Variants in LHFPL1 observed in about 807,000 individuals in gnomAD.
LHFPL1 encodes the protein LHFPL tetraspan subfamily member 1.
A neutral mutation model predicts 12.1 loss-of-function variants in LHFPL1; 4 were observed. That is an observed-to-expected ratio of 0.33 (90% confidence interval 0.16 to 0.76). LHFPL1 has a LOEUF of 0.76. Ranked by LOEUF, LHFPL1 falls within the 30% of genes least tolerant of loss-of-function variation. LHFPL1 has a pLI of 0.61. For synonymous variants in LHFPL1, 52 were observed against 61.9 expected (o/e 0.84, Z 0.75); for missense variants, 141 against 174.1 (o/e 0.81, Z 1.07).
At chrX:112,637,171 C>T (rs1381287712) in intron 3 of LHFPL1, among the ~76,000 whole-genome samples, 1 of 112,245 alleles carries the variant, frequency 8.9e-6, no homozygotes, top group Non-Finnish European at 1.9e-5. Flanking sequence ...GTTATTAAAT[C>T]ATCACTCAGC....
At chrX:112,649,592 T>C (rs945874718) in intron 3 of LHFPL1, among the ~76,000 whole-genome samples, 4 of 112,042 alleles carry the variant, frequency 3.6e-5, no homozygotes, top group Admixed American at 9.5e-5. Flanking sequence ...TATTCCCCTA[T>C]GAAAAATACA....
intron 3 of LHFPL1, among the ~76,000 whole-genome samples, chrX:112,653,433 A>G (rs997535249): frequency 1.8e-5 from 2 of 112,176 alleles, no homozygotes; most frequent in African/African-American, 6.5e-5. Context: ...AAAATAATGT[A>G]TGGGATATAG....
chrX:112,632,899 G>T (rs1343242137), intron 3 of LHFPL1, among the ~76,000 whole-genome samples: 1 of 110,840 alleles, frequency 9.0e-6, no homozygotes, highest in Non-Finnish European at 1.9e-5. Context: ...TGTTTCTCCT[G>T]CCAGAAACAT....
intron 3 of LHFPL1, among the ~76,000 whole-genome samples, chrX:112,642,552 C>A (rs951513660): frequency 1.9e-5 from 2 of 106,631 alleles, no homozygotes; most frequent in Non-Finnish European, 3.9e-5. Flanking sequence ...TCGTCTCATG[C>A]ATAGACAACT....
intron 1 of LHFPL1, among the ~76,000 whole-genome samples, chrX:112,672,601 T>C (rs965790652): frequency 1.8e-5 from 2 of 111,365 alleles, no homozygotes; most frequent in Non-Finnish European, 3.8e-5. Flanking sequence ...TGTGGTGGTG[T>C]AGAGGACTGG....
rs143501125 is a variant in LHFPL1 at position 112,639,828 on chromosome X, G to A, written c.482-8227C>T. 6.0e-3 allele frequency among the ~76,000 whole-genome samples: 671 copies of A among 112,084 alleles called. 7 individuals are homozygous for A. The highest frequency in any genetic ancestry group is 0.021 in the African/African-American group (634 of 30,852). On this transcript the variant is annotated intron_variant, in intron 3 of 3. Transcript: ENST00000371968. Reference sequence around the variant, plus strand: ...AGCTGCCTCTGAAAAACACTTCTGGGTCACCCCGTGTTGCCTTTTATACAG... The same window carrying A: ...AGCTGCCTCTGAAAAACACTTCTGGATCACCCCGTGTTGCCTTTTATACAG...
intron 3 of LHFPL1, among the ~76,000 whole-genome samples, chrX:112,659,161 G>C (rs896654041): frequency 9.0e-5 from 10 of 111,645 alleles, no homozygotes; most frequent in Admixed American, 8.6e-4. Flanking sequence ...TTCTTTTTGG[G>C]CTGATGAAAA....
Position 112,671,379 on chromosome X carries a change from G to C in LHFPL1, c.12C>G (p.Ser4Arg), listed in dbSNP as rs756691521. 8.3e-7 allele frequency: 1 copy of C among 1,211,803 alleles called. No individual in the cohort carries two copies. Among genetic ancestry groups the C allele is most frequent in the South Asian group, 1.8e-5 (1 of 56,992 alleles). Residue 4 changes from serine (S) to arginine (R), a missense_variant, in exon 2 of 4, where the codon AGC (serine) becomes AGG (arginine). Transcript: ENST00000371968. MRS[S>R]LTMVGTLWAF... ...CCCAGAGGGTTCCCACCATGGTCAG[G>C]CTGCTCCTCATGGTCACAGGTTTCT...
chrX:112,633,341 A>C (rs1930245380), intron 3 of LHFPL1, among the ~76,000 whole-genome samples: 1 of 112,235 alleles, frequency 8.9e-6, no homozygotes, highest in Admixed American at 9.4e-5. Flanking sequence ...CGAATATAGT[A>C]TTTTATTTCT....
intron 1 of LHFPL1, among the ~76,000 whole-genome samples, chrX:112,675,008 T>G (rs1173057274): frequency 3.6e-5 from 4 of 111,960 alleles, no homozygotes; most frequent in Non-Finnish European, 7.5e-5. Flanking sequence ...TTCTAAGTGA[T>G]GTAACTCAGG....
chrX:112,658,377 A>T (rs1217565590), intron 3 of LHFPL1, among the ~76,000 whole-genome samples: 1 of 107,134 alleles, frequency 9.3e-6, no homozygotes, highest in Non-Finnish European at 1.9e-5. Flanking sequence ...GTGAGCAGAG[A>T]TCGCACCACT....
At position 112,656,496 on chromosome X, in the gene LHFPL1, G is replaced by A. The variant is rs193006295; in HGVS notation, c.481+4131C>T. On this transcript the variant is annotated intron_variant, in intron 3 of 3. Transcript: ENST00000371968. ...ATTCTCACAAGTTCTATTCAACATT[G>A]TCCTGGAGGTTCTTGCAAGGGCAAT... 2.9e-3 allele frequency among the ~76,000 whole-genome samples: 327 copies of A among 111,583 alleles called. 7 individuals carry two copies. Among genetic ancestry groups the A allele is most frequent in the African/African-American group, 9.8e-3 (303 of 30,791 alleles).
intron 3 of LHFPL1, among the ~76,000 whole-genome samples, chrX:112,643,652 A>G (rs1216148357): frequency 1.8e-5 from 2 of 111,611 alleles, no homozygotes; most frequent in African/African-American, 6.5e-5. Flanking sequence ...GGGGATTATT[A>G]CAATTCAAGG....
chrX:112,651,342 C>G (rs1350351152), intron 3 of LHFPL1, among the ~76,000 whole-genome samples: 1 of 112,038 alleles, frequency 8.9e-6, no homozygotes, highest in Non-Finnish European at 1.9e-5. Context: ...CATTGCCTGG[C>G]ACATAGGTCA....
At chrX:112,650,109 T>A (rs1317997095) in intron 3 of LHFPL1, among the ~76,000 whole-genome samples, 3 of 111,560 alleles carry the variant, frequency 2.7e-5, no homozygotes, top group Non-Finnish European at 5.7e-5. Context: ...GAAAATCTCA[T>A]CAAAGTTGCA....
At chrX:112,641,790 T>C (rs1437416774) in intron 3 of LHFPL1, among the ~76,000 whole-genome samples, 1 of 111,958 alleles carries the variant, frequency 8.9e-6, no homozygotes, top group Non-Finnish European at 1.9e-5. Context: ...AATTAGTATG[T>C]CTGGGGAGAA....
chrX:112,631,981 C>G (rs1438789119), intron 3 of LHFPL1, among the ~76,000 whole-genome samples: 4 of 111,393 alleles, frequency 3.6e-5, no homozygotes, highest in African/African-American at 1.3e-4. Context: ...GAGATAGGTA[C>G]TCTTATTATC....
Position 112,662,183 on chromosome X carries a change from T to G in LHFPL1, c.383-1458A>C, listed in dbSNP as rs755980853. Among the ~76,000 whole-genome samples, 238 of 112,424 alleles carry G rather than the reference T, an allele frequency of 2.1e-3. 1 individual carries two copies. The highest frequency in any genetic ancestry group is 3.6e-3 in the Non-Finnish European group (194 of 53,305). On this transcript the variant is annotated intron_variant, in intron 2 of 3. Transcript: ENST00000371968. ...ACGCCATACTTGGGTGCCACACTAA[T>G]GAACATGGGAGGGACACTTGTCATG...
rs760444613 is a variant in LHFPL1, at chrX:112,649,089, C to CT, written c.481+11537dup. ...CTCCCAATTGTTTTAAAGCATACTTCTTTTTTTTTATTATACTTTAAGTTT... is the reference window on the plus strand; with the variant it reads ...CTCCCAATTGTTTTAAAGCATACTTCTTTTTTTTTTATTATACTTTAAGTTT... On this transcript the variant is annotated intron_variant, in intron 3 of 3. Transcript: ENST00000371968. Among the ~76,000 whole-genome samples, 883 of 110,708 alleles carry CT rather than the reference C, an allele frequency of 8.0e-3. 3 individuals are homozygous for CT. The highest frequency in any genetic ancestry group is 0.019 in the Middle Eastern group (4 of 215).
Sources: allele counts gnomAD v4.1 joint callset (sites outside exome capture counted in the v4.1 genomes callset), GRCh38; gene constraint gnomAD v4.1.1; transcripts MANE v1.5; gene names NCBI Gene and HGNC (gene_info 2026-07-23, HGNC 2026-07-21).